UGGT2: variants seen among roughly 807,000 people sequenced by gnomAD.
UGGT2 encodes UDP-glucose:glycoprotein glucosyltransferase 2.
A neutral mutation model predicts 192.1 loss-of-function variants in UGGT2; 180 were observed. The observed-to-expected ratio is 0.94, with a 90% CI of 0.83 to 1.06. UGGT2 has a LOEUF of 1.06. UGGT2 is among the 50% of genes least tolerant of loss of function. UGGT2 has a pLI of 0.00. For synonymous variants in UGGT2, 580 were observed against 591.0 expected (o/e 0.98, Z 0.27); for missense variants, 1,849 against 1,795.7 (o/e 1.03, Z -0.54).
intron 1 of UGGT2, among the ~76,000 whole-genome samples, chr13:96,050,484 T>G (rs1369013196): frequency 2.0e-5 from 3 of 152,060 alleles, no homozygotes; most frequent in Non-Finnish European, 4.4e-5. Context: ...ACAAATGGGA[T>G]CTAATTAAAG....
intron 1 of UGGT2, among the ~76,000 whole-genome samples, chr13:96,047,516 G>A (rs959055196): frequency 8.5e-5 from 13 of 152,232 alleles, no homozygotes; most frequent in Middle Eastern, 3.4e-3. Flanking sequence ...ACAAAGATGG[G>A]GAGAAACCAG....
chr13:96,028,625 G>A (rs942061175), intron 2 of UGGT2, among the ~76,000 whole-genome samples: 2 of 152,072 alleles, frequency 1.3e-5, no homozygotes, highest in Admixed American at 6.5e-5. Flanking sequence ...TAATTTGCTG[G>A]CATATAATAT....
intron 5 of UGGT2, among the ~76,000 whole-genome samples, chr13:96,006,124 C>G (rs2051965517): frequency 6.6e-6 from 1 of 152,148 alleles, no homozygotes; most frequent in Non-Finnish European, 1.5e-5. Flanking sequence ...GAAGTTGAAA[C>G]TTTCAGGAGG....
At chr13:95,905,251 G>A (rs2048249572) in intron 20 of UGGT2, among the ~76,000 whole-genome samples, 1 of 148,560 alleles carries the variant, frequency 6.7e-6, no homozygotes, top group African/African-American at 2.5e-5. Flanking sequence ...TAGGTTGCCT[G>A]TTCACTCTGA....
At chr13:95,821,345 G>C (rs755018816) in intron 38 of UGGT2, among the ~76,000 whole-genome samples, 13 of 152,098 alleles carry the variant, frequency 8.5e-5, no homozygotes, top group Non-Finnish European at 1.9e-4. Context: ...GAATAGTAAT[G>C]TTGGGCATTT....
chr13:96,026,950 C>T (rs1004232910), intron 2 of UGGT2, among the ~76,000 whole-genome samples: 2 of 152,114 alleles, frequency 1.3e-5, no homozygotes, highest in Admixed American at 6.5e-5. Flanking sequence ...GGATTACAGG[C>T]GTGAGCCACC....
At chr13:95,907,969 C>T (rs559632730) in intron 20 of UGGT2, among the ~76,000 whole-genome samples, 3 of 152,226 alleles carry the variant, frequency 2.0e-5, no homozygotes, top group Admixed American at 1.3e-4. Flanking sequence ...GAAGGATATT[C>T]GAACCCATCT....
Position 95,978,341 on chromosome 13 carries a change from G to A in UGGT2, c.1092+5463C>T, listed in dbSNP as rs143387227. On this transcript the variant is annotated intron_variant, in intron 10 of 38. Coordinates refer to ENST00000376747, the MANE Select transcript of UGGT2 (RefSeq NM_020121.4). ...ATCTGTATGCCTTCTTTTGAGAAAT[G>A]CCTATTCAAATTTTTTGCCTATTTT... is the stretch of plus-strand genomic sequence containing the variant. Among the ~76,000 whole-genome samples the A allele has an allele frequency of 3.1e-4, 47 of 152,178 alleles. 1 individual carries two copies. In the East Asian group the frequency reaches 8.7e-3, roughly 28 times the overall value.
At chr13:95,974,146 T>TA (rs1192058223) in intron 10 of UGGT2, among the ~76,000 whole-genome samples, 1 of 152,206 alleles carries the variant, frequency 6.6e-6, no homozygotes, top group African/African-American at 2.4e-5. Flanking sequence ...GAGAAGAACT[T>TA]AAAGTATTTC....
intron 26 of UGGT2, among the ~76,000 whole-genome samples, chr13:95,885,665 C>T (rs918329712): frequency 1.3e-5 from 2 of 152,074 alleles, no homozygotes; most frequent in Non-Finnish European, 2.9e-5. Flanking sequence ...CACTGGGAGC[C>T]ATGTTATGCA....
rs1231535164 is a variant in UGGT2, at chr13:96,031,887, A to G, written c.241+2T>C. On this transcript the variant is annotated splice_donor_variant, in intron 2 of 38. Coordinates refer to ENST00000376747, the MANE Select transcript of UGGT2 (RefSeq NM_020121.4). LOFTEE classifies it high-confidence loss of function. ...ACAAGTTAAAATTTACATATCACCT[A>G]CCTGTTTGCTTATAAATTGCTAATT... is the stretch of plus-strand genomic sequence containing the variant. 8 of 1,603,458 alleles carry G rather than the reference A, an allele frequency of 5.0e-6. No homozygotes were observed. The highest frequency in any genetic ancestry group is 6.8e-6 in the Non-Finnish European group (8 of 1,174,014).
At chr13:95,949,295 T>A in intron 13 of UGGT2, 40 bp downstream of exon 13, 1 of 1,414,698 alleles carries the variant, frequency 7.1e-7, no homozygotes, top group Non-Finnish European at 9.3e-7. Context: ...TGCTGATATC[T>A]TTATAAGATA....
At chr13:95,836,385 A>G (rs575267865) in intron 37 of UGGT2, among the ~76,000 whole-genome samples, 1 of 152,250 alleles carries the variant, frequency 6.6e-6, no homozygotes, top group African/African-American at 2.4e-5. Context: ...TTTTGCAGAA[A>G]AGAGTTAATA....
At chr13:95,856,701 T>C (rs1476971916) in intron 33 of UGGT2, 13 of 410,920 alleles carry the variant, frequency 3.2e-5, no homozygotes, top group Non-Finnish European at 5.6e-5. Context: ...ACATATCAAA[T>C]AGTTCATGTA....
chr13:96,001,005 A>G (rs2140930705), intron 5 of UGGT2, among the ~76,000 whole-genome samples: 1 of 152,354 alleles, frequency 6.6e-6, no homozygotes, highest in South Asian at 2.1e-4. Flanking sequence ...GATGTCATTC[A>G]TTAAATATAA....
intron 38 of UGGT2, among the ~76,000 whole-genome samples, chr13:95,826,422 A>G (rs917828932): frequency 2.0e-5 from 3 of 152,178 alleles, no homozygotes; most frequent in African/African-American, 7.2e-5. Flanking sequence ...AGGAAAAGGG[A>G]AAACCATCTT....
At chr13:95,961,266 G>C (rs2050383484) in intron 12 of UGGT2, among the ~76,000 whole-genome samples, 1 of 152,050 alleles carries the variant, frequency 6.6e-6, no homozygotes, top group Non-Finnish European at 1.5e-5. Context: ...TAATAACCTT[G>C]AATGTAAATG....
intron 26 of UGGT2, among the ~76,000 whole-genome samples, chr13:95,885,282 T>C (rs2047613345): frequency 6.6e-6 from 1 of 152,192 alleles, no homozygotes; most frequent in Admixed American, 6.5e-5. Context: ...TTTTACTATT[T>C]TGAGACTGCA....
intron 29 of UGGT2, among the ~76,000 whole-genome samples, chr13:95,876,692 G>A (rs1453443261): frequency 6.6e-6 from 1 of 152,098 alleles, no homozygotes; most frequent in Non-Finnish European, 1.5e-5. Context: ...ACTCTTCAAT[G>A]TGTCTTTCTT....
Sources: allele counts gnomAD v4.1 joint callset (sites outside exome capture counted in the v4.1 genomes callset), GRCh38; gene constraint gnomAD v4.1.1; transcripts MANE v1.5; gene names NCBI Gene and HGNC (gene_info 2026-07-23, HGNC 2026-07-21).